KDR: variants seen among roughly 807,000 people sequenced by gnomAD.
The protein encoded by KDR is kinase insert domain receptor, also known as vascular endothelial growth factor receptor 2.
A neutral mutation model predicts 160.9 loss-of-function variants in KDR; 43 were observed. The observed-to-expected ratio is 0.27, with a 90% confidence interval of 0.21 to 0.34. KDR has a LOEUF of 0.34. KDR is among the 10% of genes least tolerant of loss of function. The probability of loss-of-function intolerance (pLI) is 1.00; values close to 1 mark genes in which losing one functional copy is unlikely to be tolerated. For synonymous variants in KDR, 617 were observed against 600.1 expected (o/e 1.03, Z -0.41); for missense variants, 1,469 against 1,666.4 (o/e 0.88, Z 2.06).
intron 2 of KDR, among the ~76,000 whole-genome samples, chr4:55,119,365 C>T (rs1720810644): frequency 6.6e-6 from 1 of 152,244 alleles, no homozygotes; most frequent in East Asian, 1.9e-4. Context: ...CTACTATGTG[C>T]CAAACTTGTT....
At chr4:55,117,151 C>T (rs756486911) in intron 3 of KDR, among the ~76,000 whole-genome samples, 9 of 152,160 alleles carry the variant, frequency 5.9e-5, no homozygotes, top group African/African-American at 2.2e-4. Flanking sequence ...TAAATCAATT[C>T]TATTTCGGTA....
intron 22 of KDR, among the ~76,000 whole-genome samples, chr4:55,092,136 C>T (rs529132337): frequency 6.6e-6 from 1 of 152,330 alleles, no homozygotes; most frequent in East Asian, 1.9e-4. Context: ...AAGCCTTCCT[C>T]GTCTACCTTG....
rs749829755 is a variant in KDR, at chr4:55,125,244, G to C, written c.50C>G (p.Thr17Ser). 2 of 1,612,984 alleles carry C rather than the reference G, an allele frequency of 1.2e-6. No individual in the cohort carries two copies. The highest frequency in any genetic ancestry group is 8.5e-7 in the Non-Finnish European group (1 of 1,179,730). The stretch of plus-strand genomic sequence containing the variant: ...CTCCTTACCCACAGAGGCGGCCCGG[G>C]TCTCCACGCAGAGCCACAGGGCGAC... Reference protein sequence around the residue: ...LAVALWLCVETRAASVGLPSV... With the variant: ...LAVALWLCVESRAASVGLPSV... The change falls in exon 1 of 30, where the codon ACC (threonine) becomes AGC (serine). Residue 17 changes from threonine (T) to serine (S), a missense_variant. This residue lies in a region of KDR where 792 missense variants were observed against 840.9 expected (regional missense o/e 0.94). Transcript: ENST00000263923.
At position 55,118,696 on chromosome 4, in the gene KDR, G is replaced by T. The variant is rs771708296; in HGVS notation, c.266C>A (p.Thr89Lys). ...CSDGLFCKTL[T>K]IPKVIGNDTG... ...GTCATTTCCGATCACTTTTGGAATT[G>T]TGAGTGTCTTACAGAAGAGGCCATC... The change falls in exon 3 of 30, where the codon ACA becomes AAA. Residue 89 changes from threonine (T) to lysine (K), a missense_variant. Transcript: ENST00000263923. 1.2e-6 allele frequency: 2 copies of T among 1,614,122 alleles called. No individual in the cohort carries two copies. The highest frequency in any genetic ancestry group is 1.6e-4 in the Middle Eastern group (1 of 6,062).
At position 55,088,855 on chromosome 4, in the gene KDR, G is replaced by A. The variant is rs369334369; in HGVS notation, c.3510+13C>T. ...TACTCTTTGTAGGTGCTTCTTGGAT[G>A]GAGGTGACAAACCTGCTGAGCATTA... is the stretch of plus-strand genomic sequence containing the variant. On this transcript the variant is annotated intron_variant, in intron 26 of 29. Coordinates refer to ENST00000263923, the MANE Select transcript of KDR (RefSeq NM_002253.4). 5.1e-6 allele frequency: 8 copies of A among 1,582,036 alleles called. No homozygotes were observed. The highest frequency in any genetic ancestry group is 1.3e-5 in the African/African-American group (1 of 74,276).
At chr4:55,124,987 C>T (rs564702932) in intron 1 of KDR, among the ~76,000 whole-genome samples, 2 of 152,316 alleles carry the variant, frequency 1.3e-5, no homozygotes, top group East Asian at 1.9e-4. Context: ...AGCCGAGGTC[C>T]CTGTCGCAAA....
chr4:55,098,438 C>A (rs2305946), intron 16 of KDR, among the ~76,000 whole-genome samples, 166 bp from the exon 17 acceptor site: 1 of 151,936 alleles, frequency 6.6e-6, no homozygotes, highest in Non-Finnish European at 1.5e-5. Context: ...TTTCCCTTGT[C>A]CCCCAAAGGA....
At position 55,114,217 on chromosome 4, in the gene KDR, A is replaced by G. The variant is rs1274905750; in HGVS notation, c.707T>C (p.Leu236Pro). The G allele has an allele frequency of 6.2e-7, 1 of 1,613,854 alleles. No homozygotes were observed. The highest frequency in any genetic ancestry group is 8.5e-7 in the Non-Finnish European group (1 of 1,179,870). Residue 236 changes from leucine (L) to proline (P), a missense_variant, in exon 6 of 30, where the codon CTA (leucine) becomes CCA (proline). Transcript: ENST00000263923. ...TAAGACAAGCTTTTCTCCAACAGAT[A>G]GTTCAATTCCATGAGACGGACTCAG... ...VVLSPSHGIE[L>P]SVGEKLVLNC...
At position 55,097,881 on chromosome 4, in the gene KDR, A is replaced by T. The variant is rs555325992; in HGVS notation, c.2510-115T>A. 3 of 842,928 alleles carry T rather than the reference A, an allele frequency of 3.6e-6. No homozygotes were observed. The African/African-American group carries it at 5.0e-5, about 14-fold the overall frequency. 52.2% of individuals were successfully genotyped at this position (842,928 alleles called of 1,614,324 possible). A position where few individuals can be genotyped will look rare whatever the true frequency, so the allele number is the denominator to read the frequency against. ...CCATACATCCCAATTTAACATGGATAGTCCAGTTTACTCCTTTGTCCTGGC... is the reference window on the plus strand; with the variant it reads ...CCATACATCCCAATTTAACATGGATTGTCCAGTTTACTCCTTTGTCCTGGC... On this transcript the variant is annotated intron_variant, in intron 17 of 29. Transcript: ENST00000263923.
At chr4:55,108,048 A>G (rs1720487063) in intron 9 of KDR, among the ~76,000 whole-genome samples, 155 bp from the exon 10 acceptor site, 2 of 152,076 alleles carry the variant, frequency 1.3e-5, no homozygotes. Context: ...AAGAGACCTG[A>G]GTTCTAGTGA....
chr4:55,115,414 A>C lies in KDR; in HGVS notation c.359-3T>G. ...AGCAATAAATGGAGATCTGTAATCT[A>C]GAAGAAAATTTAGTTTTATTAATGA... On this transcript the variant is annotated splice_polypyrimidine_tract_variant and splice_region_variant and intron_variant, in intron 3 of 29. Coordinates refer to ENST00000263923, the MANE Select transcript of KDR (RefSeq NM_002253.4). 1 of 1,492,422 alleles carries C rather than the reference A, an allele frequency of 6.7e-7. No homozygotes were observed. The highest frequency in any genetic ancestry group is 9.3e-7 in the Non-Finnish European group (1 of 1,069,602). The allele number at this position is 1,492,422 out of a possible 1,614,324, so 92.4% of individuals were successfully genotyped here. A position where few individuals can be genotyped will look rare whatever the true frequency, so the allele number is the denominator to read the frequency against.
intron 19 of KDR, 109 bp downstream of exon 19, chr4:55,096,120 G>A (rs1195323547): frequency 4.3e-6 from 3 of 699,982 alleles, no homozygotes; most frequent in Non-Finnish European, 7.8e-6. Flanking sequence ...AATCCGCAAA[G>A]TATTCTAAGC....
chr4:55,079,812 G>T lies in KDR; in HGVS notation c.*129C>A. 1.2e-6 allele frequency: 1 copy of T among 837,892 alleles called. No homozygotes were observed. The highest frequency in any genetic ancestry group is 2.0e-6 in the Non-Finnish European group (1 of 489,212). 51.9% of individuals were successfully genotyped at this position (837,892 alleles called of 1,614,324 possible). ...AGAAGACTGGCTCCCTGCAGTCCGA[G>T]GTCCTTTTTCTGTTGTCGAAATGAA... On this transcript the variant is annotated 3_prime_UTR_variant, in exon 30 of 30. Transcript: ENST00000263923.
intron 13 of KDR, 30 bp downstream of exon 13, chr4:55,104,613 C>T: frequency 1.3e-6 from 2 of 1,579,304 alleles, no homozygotes; most frequent in Non-Finnish European, 8.7e-7. Flanking sequence ...CCAACTGCCT[C>T]TGCACAATGA....
intron 1 of KDR, 89 bp downstream of exon 1, chr4:55,125,138 C>G: frequency 8.3e-7 from 1 of 1,205,564 alleles, no homozygotes; most frequent in Non-Finnish European, 1.2e-6. Flanking sequence ...AACTCTCCAG[C>G]TCTACGATTC....
intron 13 of KDR, 103 bp downstream of exon 13, chr4:55,104,540 C>G (rs1240355451): frequency 4.5e-6 from 4 of 892,668 alleles, no homozygotes; most frequent in Non-Finnish European, 7.2e-6. Flanking sequence ...CAGTTTACAA[C>G]ATAATCTCCT....
chr4:55,089,598 T>C, intron 24 of KDR, 93 bp downstream of exon 24: 1 of 1,377,868 alleles, frequency 7.3e-7, no homozygotes, highest in South Asian at 1.2e-5. Context: ...TCCGAGAAGT[T>C]TTGCCTGATA....
rs372308336 is a variant in KDR at position 55,106,783 on chromosome 4, G to A, written c.1440C>T (p.Tyr480=). The A allele has an allele frequency of 3.1e-6, 5 of 1,604,318 alleles. No individual in the cohort carries two copies. The African/African-American group carries it at 4.0e-5, about 13-fold the overall frequency. The change falls in exon 11 of 30, where the codon TAC becomes TAT. Residue 480 remains tyrosine, a synonymous_variant. Coordinates refer to ENST00000263923, the MANE Select transcript of KDR (RefSeq NM_002253.4). ...CCACACTTCTCCATTCTTCACAAGG[G>A]TATGGGTTTGTCACTGAGACAGCTT... ...PSQAVSVTNP[Y]PCEEWRSVED...
chr4:55,099,164 T>C, intron 15 of KDR, among the ~76,000 whole-genome samples: 1 of 151,932 alleles, frequency 6.6e-6, no homozygotes, highest in Non-Finnish European at 1.5e-5. Flanking sequence ...TACAGGTGCA[T>C]ACCACCAAGC....
Sources: gnomAD v4.1 joint callset for allele counts (sites outside exome capture counted in the v4.1 genomes callset) on GRCh38, gnomAD v4.1.1 for gene constraint, gnomAD v4.1.1 regional missense constraint, MANE v1.5 for transcripts, NCBI Gene and HGNC (gene_info 2026-07-23, HGNC 2026-07-21) for gene names.